The following PYGL variants were observed in gnomAD, a reference collection of about 807,000 sequenced individuals.
PYGL encodes the protein glycogen phosphorylase L, also known as glycogen phosphorylase, liver form.
PYGL carries 90 observed loss-of-function variants against 100.1 expected under a neutral mutation model. The ratio of observed to expected loss-of-function variants is 0.90; its 90% CI spans 0.76 to 1.07. The LOEUF (loss-of-function observed/expected upper bound fraction) is 1.07. PYGL is among the 50% of genes least tolerant of loss of function. The pLI is 0.00. For missense variants in PYGL, 1,016 were observed against 1,057.6 expected (o/e 0.96, Z 0.55); for synonymous variants, 373 against 393.0 (o/e 0.95, Z 0.60).
At chr14:50,938,422 G>T (rs890924157) in intron 1 of PYGL, among the ~76,000 whole-genome samples, 2 of 152,138 alleles carry the variant, frequency 1.3e-5, no homozygotes, top group African/African-American at 4.8e-5. Context: ...ATGTTGGTCA[G>T]GCTGGTCTCG....
chr14:50,911,766 A>G lies in PYGL; in HGVS notation c.1933T>C (p.Phe645Leu). The G allele has an allele frequency of 6.2e-7, 1 of 1,614,232 alleles. No homozygotes were observed. The highest frequency in any genetic ancestry group is 1.3e-5 in the African/African-American group (1 of 75,058). ...AGAGATACTCTGTAGTTCTCCAAGA[A>G]GATGACTTTCAACTTGCTTCCAACC... ...PMVGSKLKVI[F>L]LENYRVSLAE... Residue 645 changes from phenylalanine to leucine, a missense_variant, in exon 16 of 20, where the codon TTC (phenylalanine) becomes CTC (leucine). Transcript: ENST00000216392.
At chr14:50,929,529 C>T (rs781740436) in intron 4 of PYGL, among the ~76,000 whole-genome samples, 14 of 151,874 alleles carry the variant, frequency 9.2e-5, no homozygotes, top group East Asian at 1.9e-4. Flanking sequence ...CTTCATAAAA[C>T]GTAAGGGGAA....
intron 17 of PYGL, among the ~76,000 whole-genome samples, chr14:50,909,553 G>C (rs8008832): frequency 0.03 from 4,629 of 152,292 alleles, 88 homozygotes; most frequent in East Asian, 0.061. Flanking sequence ...ACTAGATCAT[G>C]ATTTAAATTA....
At chr14:50,922,480 T>C (rs1209393137) in intron 5 of PYGL, among the ~76,000 whole-genome samples, 1 of 152,224 alleles carries the variant, frequency 6.6e-6, no homozygotes, top group Non-Finnish European at 1.5e-5. Context: ...GAAAGTCATT[T>C]GCAGGCTGGG....
chr14:50,905,699 G>T, intron 19 of PYGL, 143 bp from the exon 20 acceptor site: 1 of 849,012 alleles, frequency 1.2e-6, no homozygotes, highest in Non-Finnish European at 1.9e-6. Context: ...ATTCTTGTTT[G>T]TCTGTTGAGA....
At chr14:50,913,238 G>A (rs1051672881) in intron 12 of PYGL, 108 bp from the exon 13 acceptor site, 11 of 846,878 alleles carry the variant, frequency 1.3e-5, no homozygotes, top group East Asian at 7.9e-5. Flanking sequence ...TGTAGTTCAC[G>A]TATCACACAG....
intron 18 of PYGL, 144 bp downstream of exon 18, chr14:50,908,676 TA>T: frequency 8.4e-7 from 1 of 1,190,668 alleles, no homozygotes; most frequent in Non-Finnish European, 1.2e-6. Flanking sequence ...CAGATCACGC[TA>T]ATCTATGCTA....
chr14:50,908,020 CAAAAAAA>C (rs34040095), intron 19 of PYGL: 7 of 227,434 alleles, frequency 3.1e-5, no homozygotes, highest in Admixed American at 6.9e-5. Context: ...AGATCTGTCT[CAAAAAAA>C]AAAAAAAAAA....
chr14:50,943,730 A>T (rs1359766199), intron 1 of PYGL, among the ~76,000 whole-genome samples: 1 of 152,234 alleles, frequency 6.6e-6, no homozygotes, highest in Admixed American at 6.5e-5. Flanking sequence ...CAGCAAGGCA[A>T]GATTTTTGTC....
chr14:50,911,707 A>G (rs748627171), intron 16 of PYGL, 23 bp downstream of exon 16: 1 of 1,613,838 alleles, frequency 6.2e-7, no homozygotes, highest in Non-Finnish European at 8.5e-7. Context: ...TGGCCCCTGC[A>G]TATTTTGCAA....
chr14:50,907,649 CT>C (rs987606889), intron 19 of PYGL, among the ~76,000 whole-genome samples: 3 of 152,184 alleles, frequency 2.0e-5, no homozygotes, highest in African/African-American at 7.2e-5. Flanking sequence ...CCTAATGCCC[CT>C]CTGAGGCTTT....
intron 7 of PYGL, 117 bp downstream of exon 7, chr14:50,920,424 A>C (rs1032416775): frequency 1.2e-5 from 12 of 1,007,364 alleles, no homozygotes; most frequent in Non-Finnish European, 1.9e-5. Context: ...AGAAATACGG[A>C]GCTTGTTCTG....
In PYGL at chr14:50,922,670, C is replaced by G. The variant is rs536232737; in HGVS notation, c.660+1299G>C. On this transcript the variant is annotated intron_variant, in intron 5 of 19. Coordinates refer to ENST00000216392, the MANE Select transcript of PYGL (RefSeq NM_002863.5). ...CTCCATGTGGCTGGGACACTAGGGCCGAGACTTCTCTAATGGGCAATCTTT... is the reference window on the plus strand; with the variant it reads ...CTCCATGTGGCTGGGACACTAGGGCGGAGACTTCTCTAATGGGCAATCTTT... 6.4e-4 allele frequency among the ~76,000 whole-genome samples: 97 copies of G among 152,284 alleles called. 1 individual carries two copies. Among genetic ancestry groups the G allele is most frequent in the Non-Finnish European group, 1.2e-3 (79 of 68,018 alleles).
At chr14:50,912,995 T>C in intron 13 of PYGL, 34 bp downstream of exon 13, 1 of 1,562,050 alleles carries the variant, frequency 6.4e-7, no homozygotes, top group Non-Finnish European at 8.8e-7. Flanking sequence ...TCACAGTGAG[T>C]GCCCAGGAGG....
chr14:50,928,048 C>T (rs907808236), intron 4 of PYGL, among the ~76,000 whole-genome samples: 13 of 152,136 alleles, frequency 8.5e-5, no homozygotes, highest in Admixed American at 3.9e-4. Context: ...CCAGAGGCTG[C>T]ACGGGGCTGA....
At chr14:50,922,866 C>T (rs1040754545) in intron 5 of PYGL, among the ~76,000 whole-genome samples, 1 of 152,246 alleles carries the variant, frequency 6.6e-6, no homozygotes, top group Non-Finnish European at 1.5e-5. Flanking sequence ...CTTTCATAGG[C>T]ATCCCCCAAT....
At chr14:50,911,276 C>T (rs1465937434) in intron 16 of PYGL, among the ~76,000 whole-genome samples, 1 of 152,250 alleles carries the variant, frequency 6.6e-6, no homozygotes, top group African/African-American at 2.4e-5. Context: ...AAGCCTCGTG[C>T]TTTGGCAGCC....
chr14:50,910,191 G>C (rs992482623), intron 16 of PYGL, 89 bp from the exon 17 acceptor site: 3 of 1,332,690 alleles, frequency 2.3e-6, no homozygotes, highest in African/African-American at 1.5e-5. Context: ...GGGCTGTTTT[G>C]ATAATTAAAG....
At chr14:50,918,486 T>C (rs1289328537) in intron 7 of PYGL, among the ~76,000 whole-genome samples, 1 of 152,224 alleles carries the variant, frequency 6.6e-6, no homozygotes, top group African/African-American at 2.4e-5. Context: ...CATGGAATAC[T>C]ACTCAGACAT....
Sources: gnomAD v4.1 joint callset for allele counts (sites outside exome capture counted in the v4.1 genomes callset) on GRCh38, gnomAD v4.1.1 for gene constraint, MANE v1.5 for transcripts, NCBI Gene and HGNC (gene_info 2026-07-23, HGNC 2026-07-21) for gene names.